Variants in TBXAS1 observed in about 807,000 individuals in gnomAD.
The protein encoded by TBXAS1 is thromboxane-A synthase.
TBXAS1 carries 48 observed loss-of-function variants against 60.7 expected under a neutral mutation model. The observed-to-expected ratio is 0.79, with a 90% CI of 0.63 to 1.01. TBXAS1 has a LOEUF of 1.01. Among genes scored for constraint, TBXAS1 ranks in the 50% least tolerant of loss-of-function variants. The probability of loss-of-function intolerance (pLI) is 0.00; values close to 1 mark genes in which losing one functional copy is unlikely to be tolerated. For synonymous variants in TBXAS1, 287 were observed against 269.7 expected (o/e 1.06, Z -0.63); for missense variants, 685 against 686.3 (o/e 1.00, Z 0.02).
chr7:139,962,692 G>A (rs1417829079), intron 9 of TBXAS1: 3 of 209,302 alleles, frequency 1.4e-5, no homozygotes, highest in Non-Finnish European at 2.9e-5. Flanking sequence ...GGAAGCTGAG[G>A]AGGAGGCTCA....
intron 4 of TBXAS1, among the ~76,000 whole-genome samples, chr7:139,810,285 A>G (rs1249084139): frequency 6.6e-6 from 1 of 151,656 alleles, no homozygotes; most frequent in Non-Finnish European, 1.5e-5. Flanking sequence ...CAATCCTCCC[A>G]CTTTGGCCTT....
chr7:139,937,426 G>A (rs944486748), intron 5 of TBXAS1, among the ~76,000 whole-genome samples: 29 of 152,192 alleles, frequency 1.9e-4, no homozygotes, highest in Non-Finnish European at 3.5e-4. Context: ...CCCAGAAGAG[G>A]AGGGGGTTCC....
chr7:139,875,733 C>A, intron 3 of TBXAS1, 96 bp downstream of exon 3: 1 of 1,441,942 alleles, frequency 6.9e-7, no homozygotes, highest in South Asian at 1.2e-5. Flanking sequence ...GAAGAAATGC[C>A]AAGATTAGGA....
chr7:139,812,052 A>G (rs1327736193), intron 4 of TBXAS1, among the ~76,000 whole-genome samples: 3 of 152,258 alleles, frequency 2.0e-5, no homozygotes, highest in Non-Finnish European at 4.4e-5. Context: ...CTTGGCATCC[A>G]TGCCATGGAA....
At chr7:139,790,024 C>T (rs1034139905) in intron 4 of TBXAS1, among the ~76,000 whole-genome samples, 1 of 152,314 alleles carries the variant, frequency 6.6e-6, no homozygotes, top group Non-Finnish European at 1.5e-5. Flanking sequence ...ACTATGGAAT[C>T]GGAGCAACAT....
chr7:139,958,597 G>A (rs767353616), intron 8 of TBXAS1, among the ~76,000 whole-genome samples: 1 of 152,238 alleles, frequency 6.6e-6, no homozygotes, highest in Non-Finnish European at 1.5e-5. Flanking sequence ...ATGGCTCAGA[G>A]GAATTGGTGA....
At chr7:139,926,476 A>G (rs1018306666) in intron 4 of TBXAS1, among the ~76,000 whole-genome samples, 2 of 152,084 alleles carry the variant, frequency 1.3e-5, no homozygotes, top group South Asian at 2.1e-4. Context: ...ATCAGTTATA[A>G]CATCTCTTTT....
chr7:139,943,761 G>C (rs186839295), intron 5 of TBXAS1, among the ~76,000 whole-genome samples: 11 of 152,294 alleles, frequency 7.2e-5, no homozygotes, highest in Admixed American at 7.2e-4. Flanking sequence ...ATATCTGGGT[G>C]GCTTTTAGCG....
chr7:139,995,118 C>G (rs1042103293), intron 9 of TBXAS1, among the ~76,000 whole-genome samples: 1 of 152,046 alleles, frequency 6.6e-6, no homozygotes, highest in African/African-American at 2.4e-5. Flanking sequence ...AAACACATCT[C>G]GTATTCTATA....
At chr7:139,833,679 T>C (rs1017013963) in intron 1 of TBXAS1, among the ~76,000 whole-genome samples, 1 of 150,212 alleles carries the variant, frequency 6.7e-6, no homozygotes, top group Non-Finnish European at 1.5e-5. Context: ...AGCAAGACTC[T>C]TTCTCAAAAA....
chr7:139,960,762 G>A (rs1450166057), intron 8 of TBXAS1, among the ~76,000 whole-genome samples: 1 of 151,614 alleles, frequency 6.6e-6, no homozygotes, highest in East Asian at 1.9e-4. Context: ...GAAATCAGAC[G>A]CTCATGTGTG....
Position 139,852,755 on chromosome 7 carries a change from C to T in TBXAS1, c.90-19480C>T, listed in dbSNP as rs898922157. On this transcript the variant is annotated intron_variant, in intron 1 of 12. Coordinates refer to ENST00000448866, the MANE Select transcript of TBXAS1 (RefSeq NM_001061.7). The surrounding 1 kb of genome is among the most constrained non-coding windows in gnomAD (Gnocchi z 4.4). The stretch of plus-strand genomic sequence containing the variant: ...ATTGGTATTTCCCAGGCCTTTTGGA[C>T]GGGTCATAGTGCAATAGAAAGGTGG... 1.3e-5 allele frequency among the ~76,000 whole-genome samples: 2 copies of T among 151,984 alleles called. No individual in the cohort carries two copies. The highest frequency in any genetic ancestry group is 4.8e-5 in the African/African-American group (2 of 41,394).
intron 4 of TBXAS1, among the ~76,000 whole-genome samples, chr7:139,790,417 C>T (rs990001979): frequency 6.6e-6 from 1 of 152,210 alleles, no homozygotes; most frequent in African/African-American, 2.4e-5. Context: ...CAACTGTTGT[C>T]TATTCACCCT....
chr7:139,814,462 G>C (rs1798099559), intron 4 of TBXAS1, among the ~76,000 whole-genome samples: 2 of 152,194 alleles, frequency 1.3e-5, no homozygotes, highest in African/African-American at 2.4e-5. Flanking sequence ...ATTGTATCCA[G>C]TTGGTCAAGT....
intron 4 of TBXAS1, among the ~76,000 whole-genome samples, chr7:139,911,647 G>A (rs575848218): frequency 1.3e-5 from 2 of 152,328 alleles, no homozygotes; most frequent in African/African-American, 2.4e-5. Flanking sequence ...AGTGACTGAC[G>A]GAGAATGAGC....
chr7:139,879,913 G>A (rs982213612), intron 3 of TBXAS1, among the ~76,000 whole-genome samples: 2 of 146,866 alleles, frequency 1.4e-5, no homozygotes, highest in African/African-American at 5.1e-5. Context: ...GCAGAGTCTT[G>A]CTCTGTCATG....
At chr7:139,855,534 C>T (rs977217150) in intron 1 of TBXAS1, among the ~76,000 whole-genome samples, 37 of 152,022 alleles carry the variant, frequency 2.4e-4, no homozygotes, top group African/African-American at 8.5e-4. Context: ...GTGAAGTGGG[C>T]CTCATGAAAG....
At chr7:139,915,211 G>T (rs977939986) in intron 4 of TBXAS1, among the ~76,000 whole-genome samples, 8 of 152,080 alleles carry the variant, frequency 5.3e-5, no homozygotes, top group African/African-American at 1.9e-4. Context: ...TTTTCTCACA[G>T]GTTTTTGAAA....
At chr7:139,791,736 G>T (rs1797387930) in intron 4 of TBXAS1, among the ~76,000 whole-genome samples, 1 of 151,906 alleles carries the variant, frequency 6.6e-6, no homozygotes. Flanking sequence ...TATTACCACG[G>T]ATTTGGGTAT....
Sources: gnomAD v4.1 joint callset for allele counts (sites outside exome capture counted in the v4.1 genomes callset) on GRCh38, gnomAD v4.1.1 for gene constraint, Gnocchi (gnomAD v3.1) non-coding constraint, MANE v1.5 for transcripts, NCBI Gene and HGNC (gene_info 2026-07-23, HGNC 2026-07-21) for gene names.